Variants in AJUBA observed in about 807,000 individuals in gnomAD.
AJUBA encodes ajuba LIM protein.
Under a neutral mutation model 53.3 loss-of-function variants are expected in AJUBA, and 20 were observed. The observed-to-expected ratio is 0.38, with a 90% CI of 0.26 to 0.55. AJUBA has a LOEUF of 0.55. Among genes scored for constraint, AJUBA ranks in the 20% least tolerant of loss-of-function variants. The pLI is 0.80. For missense variants in AJUBA, 580 were observed against 730.5 expected (o/e 0.79, Z 2.38); for synonymous variants, 296 against 306.2 (o/e 0.97, Z 0.35).
At chr14:22,980,285 T>C (rs2045074898) in intron 1 of AJUBA, among the ~76,000 whole-genome samples, 1 of 152,178 alleles carries the variant, frequency 6.6e-6, no homozygotes, top group Non-Finnish European at 1.5e-5. Flanking sequence ...GAATTTTGAC[T>C]AAAAGATCTT....
At position 22,978,202 on chromosome 14, in the gene AJUBA, A is replaced by T. The variant is rs566154639; in HGVS notation, c.1108+142T>A. On this transcript the variant is annotated intron_variant, in intron 2 of 7. Transcript: ENST00000262713. ...AGCAAGAGAGGCAGAGCAGCTGCGG[A>T]CCTCCAGACACTTGGTGGGGATCCA... The T allele has an allele frequency of 7.7e-5, 55 of 718,854 alleles. No individual in the cohort carries two copies. The African/African-American group carries it at 9.2e-4, about 12-fold the overall frequency. The allele number at this position is 718,854 out of a possible 1,614,324, so 44.5% of individuals were successfully genotyped here. A position where few individuals can be genotyped will look rare whatever the true frequency, so the allele number is the denominator to read the frequency against.
chr14:22,981,441 A>T lies in AJUBA; in HGVS notation c.826T>A (p.Tyr276Asn). 1 of 1,611,180 alleles carries T rather than the reference A, an allele frequency of 6.2e-7. No individual in the cohort carries two copies. The highest frequency in any genetic ancestry group is 8.5e-7 in the Non-Finnish European group (1 of 1,179,300). ...AGCAAAGCTGTTAGCTCGTCCTGGT[A>T]CCGGGCGCCCACGGCGCAGTCCCCG... ...GYGDCAVGAR[Y>N]QDELTALLRL... is the part of the protein sequence containing the mutation. The change falls in exon 1 of 8, where the codon TAC becomes AAC. Residue 276 changes from tyrosine (Y) to asparagine (N), a missense_variant. By Grantham distance (143) the Tyr-to-Asn change is moderately radical (BLOSUM62 -2). Around this residue, in one of 2 missense-constraint regions of AJUBA, gnomAD observed 430 missense variants for 471.5 expected, o/e 0.91. Transcript: ENST00000262713.
rs754474887 is a variant in AJUBA, at chr14:22,978,251, A to G, written c.1108+93T>C. On this transcript the variant is annotated intron_variant, in intron 2 of 7. Coordinates refer to ENST00000262713, the MANE Select transcript of AJUBA (RefSeq NM_032876.6). ...CAACAGCTGCTCTGTGAGCAAATGA[A>G]GAGGCACAAGCTCTCCTCCTGTTCC... 307 of 1,215,188 alleles carry G rather than the reference A, an allele frequency of 2.5e-4. 1 individual carries two copies. Among genetic ancestry groups the G allele is most frequent in the Middle Eastern group, 2.0e-3 (7 of 3,430 alleles). 75.3% of individuals were successfully genotyped at this position (1,215,188 alleles called of 1,614,324 possible). A position where few individuals can be genotyped will look rare whatever the true frequency, so the allele number is the denominator to read the frequency against.
Position 22,973,834 on chromosome 14 carries a change from G to A in AJUBA, c.1491+213C>T, listed in dbSNP as rs551101670. Among the ~76,000 whole-genome samples, 203 of 152,324 alleles carry A rather than the reference G, an allele frequency of 1.3e-3. 1 individual carries two copies. Among genetic ancestry groups the A allele is most frequent in the African/African-American group, 4.6e-3 (190 of 41,566 alleles). On this transcript the variant is annotated intron_variant, in intron 7 of 7. Coordinates refer to ENST00000262713, the MANE Select transcript of AJUBA (RefSeq NM_032876.6). Reference sequence around the variant, plus strand: ...AGAGTCCCTAGTCTTAGAAAGTCCTGACTCTGGGAGAGTCAGATTCAGAAA... The same window carrying A: ...AGAGTCCCTAGTCTTAGAAAGTCCTAACTCTGGGAGAGTCAGATTCAGAAA...
At position 22,981,905 on chromosome 14, in the gene AJUBA, CG is replaced by C; in HGVS notation, c.361del (p.Arg121AlafsTer121). ...GGCCGAGCTACTGGCGAAGCTAGAGCGGGGGCTGAGGGCCGGGGCCGTGGGC... is the reference window on the plus strand; with the variant it reads ...GGCCGAGCTACTGGCGAAGCTAGAGCGGGGCTGAGGGCCGGGGCCGTGGGC... ...LEPTAPALSP[R>X]SSFASSSASD... On this transcript the variant is annotated frameshift_variant, in exon 1 of 8. Transcript: ENST00000262713. LOFTEE classifies it high-confidence loss of function. 6.4e-7 allele frequency: 1 copy of C among 1,550,904 alleles called. No homozygotes were observed. The highest frequency in any genetic ancestry group is 8.7e-7 in the Non-Finnish European group (1 of 1,152,846).
At chr14:22,977,061 A>C in intron 2 of AJUBA, 1 of 1,154,628 alleles carries the variant, frequency 8.7e-7, no homozygotes, top group Non-Finnish European at 1.1e-6. Context: ...TGAGCTCTTA[A>C]TAAGGTGCTA....
intron 2 of AJUBA, chr14:22,977,329 G>A (rs141651121): frequency 2.2e-6 from 1 of 445,746 alleles, no homozygotes; most frequent in African/African-American, 2.1e-5. Context: ...ACTGGGGTAA[G>A]AGACAACCCA....
In AJUBA at chr14:22,981,333, G is replaced by T; in HGVS notation, c.934C>A (p.Pro312Thr). The T allele has an allele frequency of 6.2e-7, 1 of 1,613,256 alleles. No homozygotes were observed. The highest frequency in any genetic ancestry group is 8.5e-7 in the Non-Finnish European group (1 of 1,179,802). ...GCCTCCGGAACGAAAGGACCTGGTG[G>T]CTCCTCCAGACCCGACGGCTCAATC... ...SGIEPSGLEE[P>T]PGPFVPEAAR... Residue 312 changes from proline (P) to threonine (T), a missense_variant, in exon 1 of 8, where the codon CCA becomes ACA. Physicochemically the swap from Pro to Thr is conservative, Grantham distance 38 (BLOSUM62 -1). Around this residue, in one of 2 missense-constraint regions of AJUBA, gnomAD observed 430 missense variants for 471.5 expected, o/e 0.91. Transcript: ENST00000262713.
intron 7 of AJUBA, 149 bp from the exon 8 acceptor site, chr14:22,973,717 A>G (rs2045007033): frequency 8.4e-6 from 9 of 1,076,486 alleles, no homozygotes; most frequent in East Asian, 2.6e-5. Flanking sequence ...TGGAAGAGCA[A>G]TCTGAGAAAA....
At chr14:22,975,754 CAGG>C (rs2045029326) in intron 4 of AJUBA, 1 of 128,116 alleles carries the variant, frequency 7.8e-6, no homozygotes, top group South Asian at 2.2e-4. Flanking sequence ...CCCAGCTAGG[CAGG>C]AGAATGGCGT....
Position 22,981,543 on chromosome 14 carries a change from C to G in AJUBA, c.724G>C (p.Ala242Pro), listed in dbSNP as rs1293444360. The change falls in exon 1 of 8, where the codon GCC (alanine) becomes CCC (proline). Residue 242 changes from alanine (A) to proline (P), a missense_variant. By Grantham distance (27) the Ala-to-Pro change is conservative. This residue lies in a region of AJUBA where 430 missense variants were observed against 471.5 expected (regional missense o/e 0.91). Coordinates refer to ENST00000262713, the MANE Select transcript of AJUBA (RefSeq NM_032876.6). ...CCCGCCGCTCCCACTCCGGCCCCGGCTAGAGCTCCAGGGCTGCCCAGGGCC... is the reference window on the plus strand; with the variant it reads ...CCCGCCGCTCCCACTCCGGCCCCGGGTAGAGCTCCAGGGCTGCCCAGGGCC... ...PPALGSPGAL[A>P]GAGVGAAGPL... The G allele has an allele frequency of 1.9e-6, 3 of 1,588,538 alleles. No homozygotes were observed. The highest frequency in any genetic ancestry group is 2.6e-6 in the Non-Finnish European group (3 of 1,171,380).
In AJUBA at chr14:22,981,986, G is replaced by T. The variant is rs1355295748; in HGVS notation, c.281C>A (p.Pro94Gln). 2 of 1,577,758 alleles carry T rather than the reference G, an allele frequency of 1.3e-6. No individual in the cohort carries two copies. Among genetic ancestry groups the T allele is most frequent in the African/African-American group, 1.4e-5 (1 of 72,954 alleles). ...AGGTAGAGGCAAGGCCCGGGTGGGC[G>T]GCGGCCCCGCGGGAAAAGAGCCTTC... ...RYEGSFPAGP[P>Q]PTRALPLPQS... Residue 94 changes from proline to glutamine, a missense_variant, in exon 1 of 8, where the codon CCG (proline) becomes CAG (glutamine). Transcript: ENST00000262713.
intron 1 of AJUBA, chr14:22,980,627 C>T (rs1163355279): frequency 2.5e-5 from 25 of 985,260 alleles, no homozygotes; most frequent in Non-Finnish European, 2.7e-5. Context: ...TGGGGAGGGA[C>T]AGCAGTTGGG....
In AJUBA at chr14:22,973,384, G is replaced by C; in HGVS notation, c.*59C>G. On this transcript the variant is annotated 3_prime_UTR_variant, in exon 8 of 8. Coordinates refer to ENST00000262713, the MANE Select transcript of AJUBA (RefSeq NM_032876.6). ...ATTCTTTGCCTTGGCTGGCCTCAGA[G>C]GGGCCCACTGGCCACAGCAGTTTGT... is the stretch of plus-strand genomic sequence containing the variant. 6.4e-7 allele frequency: 1 copy of C among 1,562,242 alleles called. No individual in the cohort carries two copies. The highest frequency in any genetic ancestry group is 8.7e-7 in the Non-Finnish European group (1 of 1,152,970).
chr14:22,977,222 T>C, intron 2 of AJUBA: 14 of 987,270 alleles, frequency 1.4e-5, no homozygotes, highest in Non-Finnish European at 1.7e-5. Context: ...GGACTGGAGT[T>C]ACTGCAGAAG....
At chr14:22,980,229 A>C (rs996614954) in intron 1 of AJUBA, among the ~76,000 whole-genome samples, 14 of 152,192 alleles carry the variant, frequency 9.2e-5, no homozygotes, top group African/African-American at 3.4e-4. Context: ...ACTTCTTTCC[A>C]ATCACAATCA....
At chr14:22,978,940 T>C (rs750403450) in intron 1 of AJUBA, 35 of 1,289,070 alleles carry the variant, frequency 2.7e-5, no homozygotes, top group Non-Finnish European at 3.4e-5. Context: ...TGTTCAGTTA[T>C]AGAATGATTT....
chr14:22,973,978 G>T, intron 7 of AJUBA, 69 bp downstream of exon 7: 1 of 1,561,530 alleles, frequency 6.4e-7, no homozygotes, highest in Admixed American at 1.7e-5. Context: ...TCTGGTTGTT[G>T]CAGGACTTGA....
chr14:22,976,463 A>G lies in AJUBA; in HGVS notation c.1232T>C (p.Leu411Ser). The change falls in exon 4 of 8, where the codon TTG becomes TCG. Residue 411 changes from leucine to serine, a missense_variant. Leu to Ser is a moderately radical substitution (Grantham distance 145). Around this residue, in one of 2 missense-constraint regions of AJUBA, gnomAD observed 150 missense variants for 259.0 expected, o/e 0.58. Transcript: ENST00000262713. Reference protein sequence around the residue: ...EKCCVCGHLILEKILQAMGKS... With the variant: ...EKCCVCGHLISEKILQAMGKS... ...TGAAAGCACTTTACTTACCTTCTCC[A>G]AAATCAAGTGACCACAGACACAGCA... 1 of 1,614,188 alleles carries G rather than the reference A, an allele frequency of 6.2e-7. No individual in the cohort carries two copies. The highest frequency in any genetic ancestry group is 8.5e-7 in the Non-Finnish European group (1 of 1,180,024).
Sources: allele counts gnomAD v4.1 joint callset (sites outside exome capture counted in the v4.1 genomes callset), GRCh38; gene constraint gnomAD v4.1.1; regional missense constraint gnomAD v4.1.1; transcripts MANE v1.5; gene names NCBI Gene and HGNC (gene_info 2026-07-23, HGNC 2026-07-21).